Variants in GSG1L observed in about 807,000 individuals in gnomAD.
The protein encoded by GSG1L is germ cell-specific gene 1-like protein.
GSG1L carries 24 observed loss-of-function variants against 42.1 expected under a neutral mutation model. The ratio of observed to expected loss-of-function variants is 0.57; its 90% CI spans 0.41 to 0.80. The LOEUF is 0.80. Among genes scored for constraint, GSG1L ranks in the 30% least tolerant of loss-of-function variants. The pLI is 0.00. For synonymous variants in GSG1L, 215 were observed against 203.5 expected (o/e 1.06, Z -0.48); for missense variants, 445 against 472.2 (o/e 0.94, Z 0.53).
chr16:27,909,795 C>T (rs1400331665), intron 2 of GSG1L, among the ~76,000 whole-genome samples: 2 of 151,882 alleles, frequency 1.3e-5, no homozygotes, highest in African/African-American at 2.4e-5. Context: ...GCGTGAGCCA[C>T]CATGCCCAGC....
Position 27,846,561 on chromosome 16 carries a change from G to A in GSG1L, c.551-1500C>T, listed in dbSNP as rs147065996. On this transcript the variant is annotated intron_variant, in intron 3 of 6. Coordinates refer to ENST00000447459, the MANE Select transcript of GSG1L (RefSeq NM_001109763.2). ...TTAAATTCTATTTATCCCCAAATAC[G>A]AGAGACCATGCTTTAAGGAAATTCA... Among the ~76,000 whole-genome samples, 603 of 152,248 alleles carry A rather than the reference G, an allele frequency of 4.0e-3. 7 individuals carry two copies. The highest frequency in any genetic ancestry group is 0.013 in the African/African-American group (552 of 41,528).
Position 27,803,103 on chromosome 16 carries a change from T to C in GSG1L, c.898+4384A>G, listed in dbSNP as rs2082901866. On this transcript the variant is annotated intron_variant, in intron 6 of 6. Coordinates refer to ENST00000447459, the MANE Select transcript of GSG1L (RefSeq NM_001109763.2). Reference sequence around the variant, plus strand: ...ATCCTTCCATCAGTCAGGGACCCCATGCCCCTGACTGCTTGGGCAAAAATT... The same window carrying C: ...ATCCTTCCATCAGTCAGGGACCCCACGCCCCTGACTGCTTGGGCAAAAATT... Among the ~76,000 whole-genome samples the C allele has an allele frequency of 3.9e-5, 6 of 151,996 alleles. No homozygotes were observed. In the South Asian group the frequency reaches 1.2e-3, roughly 32 times the overall value.
At position 27,866,191 on chromosome 16, in the gene GSG1L, T is replaced by C. The variant is rs371828042; in HGVS notation, c.550+18295A>G. 3.9e-5 allele frequency among the ~76,000 whole-genome samples: 6 copies of C among 152,296 alleles called. 1 individual carries two copies. In the East Asian group the frequency reaches 5.8e-4, roughly 15 times the overall value. ...TCACACACAGATACATTCTTCCCTT[T>C]CTGTAATTAATCTTGTCCACACCCC... On this transcript the variant is annotated intron_variant, in intron 3 of 6. Coordinates refer to ENST00000447459, the MANE Select transcript of GSG1L (RefSeq NM_001109763.2).
chr16:27,883,466 T>C (rs1185161390), intron 3 of GSG1L, among the ~76,000 whole-genome samples: 1 of 152,194 alleles, frequency 6.6e-6, no homozygotes, highest in East Asian at 1.9e-4. Context: ...TTGGCACATT[T>C]TGATCTGTGG....
intron 4 of GSG1L, among the ~76,000 whole-genome samples, chr16:27,837,100 C>T (rs1460038191): frequency 6.6e-6 from 1 of 152,166 alleles, no homozygotes; most frequent in Non-Finnish European, 1.5e-5. Context: ...GTTTAACTGA[C>T]TCAGTTCAGC....
At chr16:27,864,838 GC>G (rs2083695860) in intron 3 of GSG1L, among the ~76,000 whole-genome samples, 1 of 152,136 alleles carries the variant, frequency 6.6e-6, no homozygotes, top group Non-Finnish European at 1.5e-5. Flanking sequence ...CTGCATTCTG[GC>G]CCGCAGGAAG....
chr16:27,920,865 C>T (rs1816583157), intron 2 of GSG1L, among the ~76,000 whole-genome samples: 1 of 152,124 alleles, frequency 6.6e-6, no homozygotes, highest in Non-Finnish European at 1.5e-5. Flanking sequence ...GCTGCAGTGG[C>T]CAAGAGCAGA....
intron 2 of GSG1L, among the ~76,000 whole-genome samples, chr16:27,943,597 C>G (rs1435225968): frequency 1.0e-4 from 8 of 79,742 alleles, no homozygotes; most frequent in Non-Finnish European, 1.8e-4. Context: ...TTTTTTGAGG[C>G]AGAGTCTTGC....
chr16:27,987,816 G>T (rs1329197846), intron 1 of GSG1L, among the ~76,000 whole-genome samples: 2 of 151,950 alleles, frequency 1.3e-5, no homozygotes, highest in African/African-American at 4.8e-5. Context: ...GCGTGGTGGC[G>T]CATGCCTGTA....
chr16:27,930,798 C>T (rs2084648397), intron 2 of GSG1L, among the ~76,000 whole-genome samples: 1 of 152,198 alleles, frequency 6.6e-6, no homozygotes, highest in Non-Finnish European at 1.5e-5. Context: ...AATCATAGCT[C>T]ACTGCAGTCT....
intron 2 of GSG1L, chr16:27,888,060 C>T: frequency 1.0e-6 from 1 of 982,206 alleles, no homozygotes; most frequent in Non-Finnish European, 1.2e-6. Flanking sequence ...CAGTCTTTAC[C>T]TCGGAGATGC....
chr16:27,800,005 T>C (rs1041161724), intron 6 of GSG1L, among the ~76,000 whole-genome samples: 1 of 152,132 alleles, frequency 6.6e-6, no homozygotes, highest in African/African-American at 2.4e-5. Flanking sequence ...CCAGACCTCC[T>C]GAATCAGAAA....
intron 4 of GSG1L, among the ~76,000 whole-genome samples, chr16:27,836,460 C>T (rs764054068): frequency 3.3e-4 from 50 of 152,034 alleles, no homozygotes; most frequent in Non-Finnish European, 4.9e-4. Context: ...CAGTCCCATC[C>T]TCTTCCTCCT....
intron 6 of GSG1L, among the ~76,000 whole-genome samples, chr16:27,806,950 T>C (rs2082971112): frequency 6.6e-6 from 1 of 152,226 alleles, no homozygotes; most frequent in Non-Finnish European, 1.5e-5. Context: ...TACAGCAGGC[T>C]CAGCCAAGAT....
At chr16:27,944,618 C>G (rs1420618479) in intron 2 of GSG1L, among the ~76,000 whole-genome samples, 1 of 134,012 alleles carries the variant, frequency 7.5e-6, no homozygotes, top group South Asian at 2.6e-4. Context: ...TGAGACTCTG[C>G]CTCAAAAAAA....
chr16:27,952,039 A>G (rs1020440303), intron 2 of GSG1L, among the ~76,000 whole-genome samples: 1 of 152,218 alleles, frequency 6.6e-6, no homozygotes, highest in Non-Finnish European at 1.5e-5. Flanking sequence ...GGGCACCAAG[A>G]AACAGGAGCA....
intron 3 of GSG1L, among the ~76,000 whole-genome samples, chr16:27,854,417 T>C (rs1308476730): frequency 6.6e-6 from 1 of 151,922 alleles, no homozygotes; most frequent in African/African-American, 2.4e-5. Context: ...AGCTGCACTA[T>C]GCAGATATGA....
At chr16:28,001,632 A>T (rs1054203281) in intron 1 of GSG1L, among the ~76,000 whole-genome samples, 2 of 152,214 alleles carry the variant, frequency 1.3e-5, no homozygotes, top group Non-Finnish European at 2.9e-5. Flanking sequence ...CTCCCAGGTC[A>T]AAGCCTCTGA....
At chr16:27,793,563 G>A (rs1401500319) in intron 6 of GSG1L, among the ~76,000 whole-genome samples, 1 of 152,116 alleles carries the variant, frequency 6.6e-6, no homozygotes, top group Non-Finnish European at 1.5e-5. Context: ...AAGCATTTAG[G>A]CATAATTTTA....
Sources: gnomAD v4.1 joint callset for allele counts (sites outside exome capture counted in the v4.1 genomes callset) on GRCh38, gnomAD v4.1.1 for gene constraint, MANE v1.5 for transcripts, NCBI Gene and HGNC (gene_info 2026-07-23, HGNC 2026-07-21) for gene names.